CDH9: variants seen among roughly 807,000 people sequenced by gnomAD.
CDH9 encodes cadherin-9.
CDH9 carries 28 observed loss-of-function variants against 70.9 expected under a neutral mutation model. The observed-to-expected ratio is 0.40, with a 90% CI of 0.29 to 0.54. CDH9 has a LOEUF of 0.54. Among genes scored for constraint, CDH9 ranks in the 20% least tolerant of loss-of-function variants. CDH9 has a pLI of 0.59. For synonymous variants in CDH9, 409 were observed against 343.1 expected (o/e 1.19, Z -2.12); for missense variants, 874 against 984.4 (o/e 0.89, Z 1.50).
intron 1 of CDH9, among the ~76,000 whole-genome samples, chr5:26,996,924 A>G (rs944772208): frequency 7.2e-5 from 11 of 152,056 alleles, no homozygotes; most frequent in Non-Finnish European, 1.2e-4. Context: ...TAGCAGAAAT[A>G]TGAGCTGCCA....
chr5:26,961,122 T>G (rs1742027803), intron 2 of CDH9, among the ~76,000 whole-genome samples: 1 of 151,846 alleles, frequency 6.6e-6, no homozygotes, highest in African/African-American at 2.4e-5. Context: ...TAATTTTATT[T>G]CCTATGTATT....
chr5:26,933,822 GA>G (rs1384250493), intron 2 of CDH9, among the ~76,000 whole-genome samples: 3 of 151,212 alleles, frequency 2.0e-5, no homozygotes, highest in Non-Finnish European at 3.0e-5. Context: ...AAAATAATAA[GA>G]AAAAAAGAGA....
intron 2 of CDH9, among the ~76,000 whole-genome samples, chr5:26,950,128 G>A (rs13361520): frequency 0.097 from 14,823 of 152,122 alleles, 2,391 homozygotes; most frequent in African/African-American, 0.34. Flanking sequence ...CTGGGTTTCA[G>A]TGATAGAGAG....
chr5:26,935,191 T>C (rs1238913214), intron 2 of CDH9, among the ~76,000 whole-genome samples: 2 of 151,690 alleles, frequency 1.3e-5, no homozygotes, highest in Non-Finnish European at 2.9e-5. Context: ...ATATTCATGA[T>C]AAAAAGCCAG....
At chr5:27,035,352 G>A (rs770969573) in intron 1 of CDH9, among the ~76,000 whole-genome samples, 4 of 151,160 alleles carry the variant, frequency 2.6e-5, no homozygotes, top group Non-Finnish European at 5.9e-5. Flanking sequence ...AGAATTATTC[G>A]GGATATCTTT....
At chr5:26,890,358 C>G (rs1740635656) in intron 8 of CDH9, 70 bp downstream of exon 8, 2 of 1,306,254 alleles carry the variant, frequency 1.5e-6, no homozygotes. Context: ...GAAAATGAGT[C>G]TAGCTGGTGC....
chr5:26,985,240 C>T (rs1254317091), intron 2 of CDH9, among the ~76,000 whole-genome samples: 9 of 152,052 alleles, frequency 5.9e-5, no homozygotes, highest in African/African-American at 1.9e-4. Flanking sequence ...TCCACATGCA[C>T]ATATTTATGA....
chr5:26,943,230 G>C (rs1336565869), intron 2 of CDH9, among the ~76,000 whole-genome samples: 1 of 152,104 alleles, frequency 6.6e-6, no homozygotes, highest in Non-Finnish European at 1.5e-5. Context: ...CTAACTCAGG[G>C]GTGGGGCGCG....
chr5:26,934,330 G>A (rs528802905), intron 2 of CDH9, among the ~76,000 whole-genome samples: 1 of 152,218 alleles, frequency 6.6e-6, no homozygotes, highest in African/African-American at 2.4e-5. Flanking sequence ...ATCAGGCATT[G>A]TGGTATGCCC....
chr5:26,908,417 A>C (rs1296822259), intron 3 of CDH9, among the ~76,000 whole-genome samples: 3 of 152,090 alleles, frequency 2.0e-5, no homozygotes, highest in African/African-American at 7.2e-5. Context: ...TGGTTTTCAC[A>C]ATTGGAGGTT....
At chr5:26,964,139 C>T (rs565839983) in intron 2 of CDH9, among the ~76,000 whole-genome samples, 2,379 of 22,826 alleles carry the variant, frequency 0.1, 62 homozygotes, top group African/African-American at 0.12. Flanking sequence ...CAAGAAAAGA[C>T]TCTTATCTTC....
intron 1 of CDH9, among the ~76,000 whole-genome samples, chr5:27,003,050 G>A (rs1742799114): frequency 6.6e-6 from 1 of 152,036 alleles, no homozygotes; most frequent in South Asian, 2.1e-4. Context: ...GAACAGAAAT[G>A]TTTCGGTTTT....
intron 2 of CDH9, among the ~76,000 whole-genome samples, chr5:26,984,714 C>T (rs150593362): frequency 5.3e-5 from 8 of 152,048 alleles, no homozygotes; most frequent in Non-Finnish European, 5.9e-5. Flanking sequence ...ACAAGTGTCT[C>T]TTCAAGTTAT....
chr5:26,955,353 G>T (rs1293663884), intron 2 of CDH9, among the ~76,000 whole-genome samples: 1 of 152,174 alleles, frequency 6.6e-6, no homozygotes, highest in Non-Finnish European at 1.5e-5. Flanking sequence ...GTGTTATCTT[G>T]CAATCCTCCT....
At chr5:27,006,260 T>A (rs1471962478) in intron 1 of CDH9, among the ~76,000 whole-genome samples, 1 of 152,162 alleles carries the variant, frequency 6.6e-6, no homozygotes, top group Admixed American at 6.6e-5. Flanking sequence ...CATCATTTAT[T>A]ATTAGATTTA....
rs924356456 is a variant in CDH9, at chr5:27,011,255, C to A, written c.-49-22873G>T. Among the ~76,000 whole-genome samples, 4 of 152,034 alleles carry A rather than the reference C, an allele frequency of 2.6e-5. 1 individual carries two copies. The highest frequency in any genetic ancestry group is 4.1e-4 in the South Asian group (2 of 4,830). ...ACCAAAAGATATATTTAAGTCCCAA[C>A]CCCTGGAACCTAGGAATCTGACCTT... On this transcript the variant is annotated intron_variant, in intron 1 of 11. Transcript: ENST00000231021.
intron 2 of CDH9, among the ~76,000 whole-genome samples, chr5:26,985,027 C>A (rs146088868): frequency 6.6e-6 from 1 of 152,170 alleles, no homozygotes; most frequent in African/African-American, 2.4e-5. Context: ...AAAGAAAACT[C>A]ATTATTTCAG....
chr5:26,939,946 T>C (rs1741631284), intron 2 of CDH9, among the ~76,000 whole-genome samples: 1 of 151,994 alleles, frequency 6.6e-6, no homozygotes, highest in South Asian at 2.1e-4. Context: ...GCCCAGGAGT[T>C]TGAGACCAGC....
chr5:26,987,336 T>C (rs1340117911), intron 2 of CDH9, among the ~76,000 whole-genome samples: 1 of 151,936 alleles, frequency 6.6e-6, no homozygotes, highest in Non-Finnish European at 1.5e-5. Context: ...AACAAATGAA[T>C]TGTCCTGAGT....
Sources: allele counts gnomAD v4.1 joint callset (sites outside exome capture counted in the v4.1 genomes callset), GRCh38; gene constraint gnomAD v4.1.1; transcripts MANE v1.5; gene names NCBI Gene and HGNC (gene_info 2026-07-23, HGNC 2026-07-21).